ATF6: variants seen among roughly 807,000 people sequenced by gnomAD.
ATF6 encodes the protein cyclic AMP-dependent transcription factor ATF-6 alpha.
Under a neutral mutation model 83.6 loss-of-function variants are expected in ATF6, and 53 were observed. That is an observed-to-expected ratio of 0.63 (90% CI 0.51 to 0.80). ATF6 has a LOEUF of 0.80. Among genes scored for constraint, ATF6 ranks in the 30% least tolerant of loss-of-function variants. ATF6 has a pLI of 0.00. For synonymous variants in ATF6, 288 were observed against 285.8 expected, an observed-to-expected ratio of 1.01 and a Z score of -0.08; for missense variants, 744 against 797.9, an observed-to-expected ratio of 0.93 and a Z score of 0.81.
intron 14 of ATF6, among the ~76,000 whole-genome samples, chr1:161,877,858 A>C (rs1285301572): frequency 6.6e-6 from 1 of 152,114 alleles, no homozygotes; most frequent in Non-Finnish European, 1.5e-5. Flanking sequence ...TGAGAATTGG[A>C]GAGATATTAG....
At chr1:161,944,206 A>C (rs760453089) in intron 15 of ATF6, among the ~76,000 whole-genome samples, 1 of 152,120 alleles carries the variant, frequency 6.6e-6, no homozygotes, top group African/African-American at 2.4e-5. Flanking sequence ...CAGCCAAATA[A>C]AGTAGTTTGG....
chr1:161,878,411 G>A (rs752551087), intron 14 of ATF6, among the ~76,000 whole-genome samples: 20 of 152,052 alleles, frequency 1.3e-4, no homozygotes, highest in Admixed American at 5.2e-4. Context: ...CATCACACCC[G>A]GTCAGCTTAC....
At position 161,812,371 on chromosome 1, in the gene ATF6, C is replaced by CTTTTT. The variant is rs869240831; in HGVS notation, c.910-7227_910-7223dup. Among the ~76,000 whole-genome samples the CTTTTT allele has an allele frequency of 2.3e-4, 8 of 34,392 alleles. 3 individuals are homozygous for CTTTTT. The highest frequency in any genetic ancestry group is 3.9e-4 in the Non-Finnish European group (7 of 17,770). The allele number at this position is 34,392 out of a possible 152,430, so 22.6% of individuals were successfully genotyped here. A position where few individuals can be genotyped will look rare whatever the true frequency, so the allele number is the denominator to read the frequency against. ...GAGCTGGAATGGGAGCAGGTATTTT[C>CTTTTT]TTTTTTTTTTTTTTTTTTTTTTTTT... On this transcript the variant is annotated intron_variant, in intron 7 of 15. Coordinates refer to ENST00000367942, the MANE Select transcript of ATF6 (RefSeq NM_007348.4).
chr1:161,863,654 G>T (rs1686932291), intron 14 of ATF6, among the ~76,000 whole-genome samples: 1 of 152,122 alleles, frequency 6.6e-6, no homozygotes, highest in Admixed American at 6.6e-5. Flanking sequence ...TCCTATTTAG[G>T]CTTTTAAACC....
chr1:161,865,673 AG>A (rs1686981352), intron 14 of ATF6, among the ~76,000 whole-genome samples: 1 of 152,224 alleles, frequency 6.6e-6, no homozygotes, highest in Non-Finnish European at 1.5e-5. Context: ...AATTACTATT[AG>A]GAGTATGTCT....
chr1:161,957,499 A>G (rs1371428332), intron 15 of ATF6, among the ~76,000 whole-genome samples: 1 of 152,186 alleles, frequency 6.6e-6, no homozygotes, highest in Non-Finnish European at 1.5e-5. Flanking sequence ...TCTAAGTTTC[A>G]TTGACTACAA....
intron 4 of ATF6, among the ~76,000 whole-genome samples, chr1:161,790,777 C>T (rs545782968): frequency 1.4e-4 from 22 of 151,966 alleles, no homozygotes; most frequent in Admixed American, 7.2e-4. Context: ...CGTCACTGCA[C>T]TCCAGCTTGG....
At chr1:161,888,846 CAG>C (rs1229025652) in intron 14 of ATF6, among the ~76,000 whole-genome samples, 5 of 152,186 alleles carry the variant, frequency 3.3e-5, no homozygotes, top group South Asian at 4.1e-4. Context: ...GCATGGCAAA[CAG>C]GGGCCAGCTT....
In ATF6 at chr1:161,963,495, A is replaced by G. The variant is rs951387949; in HGVS notation, c.*4841A>G. 1.3e-5 allele frequency: 2 copies of G among 152,234 alleles called. No homozygotes were observed. The highest frequency in any genetic ancestry group is 4.8e-5 in the African/African-American group (2 of 41,464). 9.4% of individuals were successfully genotyped at this position (152,234 alleles called of 1,614,324 possible). On this transcript the variant is annotated 3_prime_UTR_variant, in exon 16 of 16. Transcript: ENST00000367942. Reference sequence around the variant, plus strand: ...TTGGTAACTAAGGAGTAAATAAATCATAATTTATCATTTGCCAAGGCCAAC... The same window carrying G: ...TTGGTAACTAAGGAGTAAATAAATCGTAATTTATCATTTGCCAAGGCCAAC...
chr1:161,912,418 T>G lies in ATF6; in HGVS notation c.1804+38T>G, dbSNP rs370819114. On this transcript the variant is annotated intron_variant, in intron 15 of 15. Coordinates refer to ENST00000367942, the MANE Select transcript of ATF6 (RefSeq NM_007348.4). ...TCTGATGTATGAACAATATGAGATTTCTTTGTTTAACCAGGATTCTCTTCA... is the reference window on the plus strand; with the variant it reads ...TCTGATGTATGAACAATATGAGATTGCTTTGTTTAACCAGGATTCTCTTCA... 31 of 1,434,430 alleles carry G rather than the reference T, an allele frequency of 2.2e-5. No individual in the cohort carries two copies. In the African/African-American group the frequency reaches 4.1e-4, roughly 19 times the overall value. 88.9% of individuals were successfully genotyped at this position (1,434,430 alleles called of 1,614,324 possible).
chr1:161,950,904 G>A (rs1688849990), intron 15 of ATF6, among the ~76,000 whole-genome samples: 4 of 152,178 alleles, frequency 2.6e-5, no homozygotes, highest in South Asian at 4.1e-4. Context: ...GTTTGAGATC[G>A]ATGAAATGAT....
chr1:161,912,401 A>G (rs973832801), intron 15 of ATF6, 21 bp downstream of exon 15: 4 of 1,499,530 alleles, frequency 2.7e-6, no homozygotes, highest in Non-Finnish European at 3.7e-6. Flanking sequence ...ATTCTGATGT[A>G]TGAACAATAT....
At chr1:161,898,171 G>C (rs1191670244) in intron 14 of ATF6, among the ~76,000 whole-genome samples, 2 of 152,168 alleles carry the variant, frequency 1.3e-5, no homozygotes, top group African/African-American at 4.8e-5. Flanking sequence ...GTGCAACTTG[G>C]TCTTGGAACT....
chr1:161,819,816 G>A lies in ATF6; in HGVS notation c.1093G>A (p.Glu365Lys), dbSNP rs772605686. 1.1e-5 allele frequency: 18 copies of A among 1,607,896 alleles called. No homozygotes were observed. Among genetic ancestry groups the A allele is most frequent in the Non-Finnish European group, 1.5e-5 (18 of 1,177,484 alleles). ...GCGGCAGCTGGATGAAGTTGTGTCA[G>A]AGGTAAGTGTTAGTAATACGGCTGA... ...LKRQLDEVVS[E>K]NQRLKVPSPK... The change falls in exon 8 of 16, where the codon GAG becomes AAG. Residue 365 changes from glutamate to lysine, a missense_variant and splice_region_variant. Physicochemically the swap from Glu to Lys is moderately conservative, Grantham distance 56 (BLOSUM62 1). Coordinates refer to ENST00000367942, the MANE Select transcript of ATF6 (RefSeq NM_007348.4).
intron 15 of ATF6, among the ~76,000 whole-genome samples, chr1:161,952,385 A>C (rs1200565499): frequency 1.1e-4 from 16 of 151,998 alleles, no homozygotes; most frequent in Admixed American, 1.0e-3. Context: ...TGGGCCCTGC[A>C]CTTAAAACTG....
chr1:161,926,914 G>A (rs1021107693), intron 15 of ATF6, among the ~76,000 whole-genome samples: 1 of 86,350 alleles, frequency 1.2e-5, no homozygotes, highest in Non-Finnish European at 3.4e-5. Context: ...TAATAGTTAC[G>A]TTGCAGTCAT....
chr1:161,881,929 C>A (rs1350374894), intron 14 of ATF6, among the ~76,000 whole-genome samples: 1 of 151,626 alleles, frequency 6.6e-6, no homozygotes. Flanking sequence ...GGTGTATGAT[C>A]CATTTTGAAT....
At chr1:161,817,822 G>T (rs1423004734) in intron 7 of ATF6, among the ~76,000 whole-genome samples, 1 of 152,046 alleles carries the variant, frequency 6.6e-6, no homozygotes, top group Non-Finnish European at 1.5e-5. Context: ...TTACAGGCTG[G>T]CACGGTGGCT....
intron 2 of ATF6, among the ~76,000 whole-genome samples, chr1:161,780,938 A>G (rs1228027959): frequency 2.0e-5 from 3 of 151,154 alleles, no homozygotes; most frequent in South Asian, 2.1e-4. Context: ...CTGGTCTTGA[A>G]CCCCTGGGCT....
Sources: allele counts gnomAD v4.1 joint callset (sites outside exome capture counted in the v4.1 genomes callset), GRCh38; gene constraint gnomAD v4.1.1; transcripts MANE v1.5; gene names NCBI Gene and HGNC (gene_info 2026-07-23, HGNC 2026-07-21).